Variants in KLF12 observed in about 807,000 individuals in gnomAD.
The protein encoded by KLF12 is KLF transcription factor 12, also known as Krueppel-like factor 12.
In KLF12, 9 loss-of-function variants were observed where a neutral mutation model predicts 37.8. The ratio of observed to expected loss-of-function variants is 0.24; its 90% CI spans 0.14 to 0.42. The LOEUF is 0.42. Among genes scored for constraint, KLF12 ranks in the 10% least tolerant of loss-of-function variants. KLF12 has a pLI of 1.00. For missense variants in KLF12, 411 were observed against 516.0 expected, an observed-to-expected ratio of 0.80 and a Z score of 1.97; for synonymous variants, 208 against 202.1, an observed-to-expected ratio of 1.03 and a Z score of -0.25.
the KLF12 span, among the ~76,000 whole-genome samples, chr13:74,293,608 T>C: frequency 6.6e-6 from 1 of 152,224 alleles, no homozygotes. Flanking sequence ...CTTCTGGATT[T>C]CTATTTCCCA....
At chr13:73,930,271 T>A (rs1371298651) in intron 3 of KLF12, among the ~76,000 whole-genome samples, 9 of 152,184 alleles carry the variant, frequency 5.9e-5, no homozygotes, top group Non-Finnish European at 1.2e-4. Context: ...ATCATTTTTT[T>A]AAAAAACGCA....
chr13:73,880,347 A>G (rs1366522787), intron 3 of KLF12, among the ~76,000 whole-genome samples: 1 of 152,230 alleles, frequency 6.6e-6, no homozygotes, highest in Admixed American at 6.5e-5. Flanking sequence ...GCTAACGAAG[A>G]GTTAAATGAG....
rs142451819 is a variant in KLF12 at position 73,846,133 on chromosome 13, G to A, written c.364C>T (p.Arg122Cys). Residue 122 changes from arginine to cysteine, a missense_variant, in exon 4 of 8, where the codon CGT becomes TGT. Physicochemically the swap from Arg to Cys is radical, Grantham distance 180. Coordinates refer to ENST00000377669, the MANE Select transcript of KLF12 (RefSeq NM_007249.5). ...ATAACAGTTGGGGATGAGGCTAGAC[G>A]ACTAGAAGACGATGAAGAGGTTGAA... 105 of 1,614,082 alleles carry A rather than the reference G, an allele frequency of 6.5e-5. No homozygotes were observed. Among genetic ancestry groups the A allele is most frequent in the East Asian group, 1.1e-4 (5 of 44,864 alleles).
chr13:74,028,768 A>G (rs1005824293), intron 1 of KLF12, among the ~76,000 whole-genome samples: 6 of 152,056 alleles, frequency 3.9e-5, no homozygotes, highest in Admixed American at 6.6e-5. Context: ...AATGTGTAAG[A>G]GAAGGAAGAC....
At chr13:74,174,066 C>A in the KLF12 span, among the ~76,000 whole-genome samples, 1 of 152,170 alleles carries the variant, frequency 6.6e-6, no homozygotes, top group Non-Finnish European at 1.5e-5. Context: ...ATTCCAGGGA[C>A]TTCTACATGA....
intron 1 of KLF12, among the ~76,000 whole-genome samples, chr13:74,036,032 A>G (rs928301667): frequency 6.6e-6 from 1 of 152,162 alleles, no homozygotes. Flanking sequence ...CTCATTAACC[A>G]GCCAGCCACG....
the KLF12 span, among the ~76,000 whole-genome samples, chr13:74,212,415 G>A: frequency 1.3e-5 from 2 of 152,080 alleles, no homozygotes; most frequent in East Asian, 3.8e-4. Context: ...AGCATGCTTT[G>A]GGCATCAGCC....
chr13:73,774,277 T>G (rs1311188224), intron 5 of KLF12, among the ~76,000 whole-genome samples: 1 of 121,624 alleles, frequency 8.2e-6, no homozygotes, highest in East Asian at 2.0e-4. Flanking sequence ...ACAAACTATA[T>G]ATATATACAC....
chr13:73,849,992 A>C (rs1885250389), intron 3 of KLF12, among the ~76,000 whole-genome samples: 1 of 152,200 alleles, frequency 6.6e-6, no homozygotes. Context: ...GAGGAGAGTA[A>C]TTTCATTTTC....
At chr13:74,226,992 T>C in the KLF12 span, among the ~76,000 whole-genome samples, 2 of 152,192 alleles carry the variant, frequency 1.3e-5, no homozygotes, top group Non-Finnish European at 2.9e-5. Flanking sequence ...TTCTGCATAC[T>C]GCTCAGACTC....
chr13:73,719,860 A>G (rs1876107682), intron 6 of KLF12, among the ~76,000 whole-genome samples: 1 of 152,200 alleles, frequency 6.6e-6, no homozygotes. Context: ...CAGTCTCCCA[A>G]AGTGCTGGGA....
chr13:73,957,511 T>C (rs1328773667), intron 2 of KLF12, among the ~76,000 whole-genome samples: 1 of 152,150 alleles, frequency 6.6e-6, no homozygotes, highest in Non-Finnish European at 1.5e-5. Context: ...CTCAGAAGTC[T>C]CCAAAGTAAC....
At chr13:74,050,018 G>A (rs556407860) in intron 1 of KLF12, among the ~76,000 whole-genome samples, 3 of 151,990 alleles carry the variant, frequency 2.0e-5, no homozygotes, top group Non-Finnish European at 2.9e-5. Flanking sequence ...CTAAAGGAAG[G>A]ACTTACGTTT....
chr13:74,095,390 A>AT (rs1029993562), intron 1 of KLF12, among the ~76,000 whole-genome samples: 45 of 100,376 alleles, frequency 4.5e-4, no homozygotes, highest in Non-Finnish European at 7.4e-4. Context: ...TTTTTATCGT[A>AT]TTTTTTTTTC....
intron 1 of KLF12, among the ~76,000 whole-genome samples, chr13:74,047,483 G>C (rs1893577495): frequency 6.6e-6 from 1 of 151,708 alleles, no homozygotes; most frequent in Non-Finnish European, 1.5e-5. Flanking sequence ...TGTAGTCCCA[G>C]CTACTCGGGA....
At position 73,690,741 on chromosome 13, in the gene KLF12, G is replaced by A. The variant is rs1873772688; in HGVS notation, c.*4749C>T. ...TTTCTTTTTATTGTGATGAAAACTA[G>A]AAGCTCTCTTTCCCAACATACTTCA... On this transcript the variant is annotated 3_prime_UTR_variant, in exon 8 of 8. Coordinates refer to ENST00000377669, the MANE Select transcript of KLF12 (RefSeq NM_007249.5). 1 of 152,486 alleles carries A rather than the reference G, an allele frequency of 6.6e-6. No homozygotes were observed. The highest frequency in any genetic ancestry group is 2.4e-5 in the African/African-American group (1 of 41,410). The allele number at this position is 152,486 out of a possible 1,614,324, so 9.4% of individuals were successfully genotyped here.
chr13:73,708,471 T>C (rs1415548462), intron 7 of KLF12, among the ~76,000 whole-genome samples: 1 of 152,204 alleles, frequency 6.6e-6, no homozygotes, highest in Admixed American at 6.5e-5. Context: ...ACACTGATAA[T>C]GTCAGTGTCA....
intron 4 of KLF12, among the ~76,000 whole-genome samples, chr13:73,825,161 C>A (rs559388058): frequency 6.6e-6 from 1 of 151,642 alleles, no homozygotes; most frequent in African/African-American, 2.4e-5. Context: ...CCTTCTCCTG[C>A]CCCTGTTATG....
At chr13:74,279,899 T>C in the KLF12 span, among the ~76,000 whole-genome samples, 2 of 152,216 alleles carry the variant, frequency 1.3e-5, no homozygotes, top group Non-Finnish European at 2.9e-5. Context: ...GGCAAATTTA[T>C]GAGAGAAGGT....
Sources: allele counts gnomAD v4.1 joint callset (sites outside exome capture counted in the v4.1 genomes callset), GRCh38; gene constraint gnomAD v4.1.1; transcripts MANE v1.5; gene names NCBI Gene and HGNC (gene_info 2026-07-23, HGNC 2026-07-21).